ANP32A: variants seen among roughly 807,000 people sequenced by gnomAD.
ANP32A encodes acidic leucine-rich nuclear phosphoprotein 32 family member A.
In ANP32A, 1 loss-of-function variant was observed where a neutral mutation model predicts 33.9. The observed-to-expected ratio is 0.03, with a 90% CI of 0.01 to 0.14. ANP32A has a LOEUF of 0.14. Among genes scored for constraint, ANP32A ranks in the 10% least tolerant of loss-of-function variants. The pLI is 1.00. For missense variants in ANP32A, 155 were observed against 306.0 expected (o/e 0.51, Z 3.68); for synonymous variants, 115 against 120.5 (o/e 0.95, Z 0.30).
intron 1 of ANP32A, among the ~76,000 whole-genome samples, chr15:68,804,428 A>C (rs1894184850): frequency 6.6e-6 from 1 of 152,238 alleles, no homozygotes; most frequent in South Asian, 2.1e-4. Context: ...GTATAGATTA[A>C]AGAATAAATA....
In ANP32A at chr15:68,779,821, T is replaced by C. The variant is rs1893841505; in HGVS notation, c.*260A>G. ...TTAGTGTGTACTTAGCTATCGCATTTACAGGGACAAAAACCGGACACAAAG... is the reference window on the plus strand; with the variant it reads ...TTAGTGTGTACTTAGCTATCGCATTCACAGGGACAAAAACCGGACACAAAG... On this transcript the variant is annotated 3_prime_UTR_variant, in exon 7 of 7. Coordinates refer to ENST00000465139, the MANE Select transcript of ANP32A (RefSeq NM_006305.4). The C allele has an allele frequency of 2.0e-6, 1 of 492,772 alleles. No homozygotes were observed. The highest frequency in any genetic ancestry group is 3.5e-5 in the Admixed American group (1 of 28,316). The allele number at this position is 492,772 out of a possible 1,614,324, so 30.5% of individuals were successfully genotyped here.
intron 1 of ANP32A, among the ~76,000 whole-genome samples, chr15:68,802,819 A>ATTTTTTTTTTTTTTTTTTTTTTTT (rs1228755138): frequency 2.0e-5 from 3 of 151,906 alleles, no homozygotes; most frequent in Admixed American, 6.6e-5. Flanking sequence ...TGCCCGGCTA[A>ATTTTTTTTTTTTTTTTTTTTTTTT]TTTTTTATAT....
chr15:68,799,183 T>C (rs2140366117), intron 1 of ANP32A, among the ~76,000 whole-genome samples: 1 of 152,342 alleles, frequency 6.6e-6, no homozygotes, highest in South Asian at 2.1e-4. Context: ...TAACTCCATA[T>C]TTCTAATTGG....
chr15:68,807,496 G>A (rs1894250477), intron 1 of ANP32A, among the ~76,000 whole-genome samples: 1 of 149,246 alleles, frequency 6.7e-6, no homozygotes, highest in Non-Finnish European at 1.5e-5. Flanking sequence ...AGCTCCAGGC[G>A]AGGCCTCCTC....
chr15:68,787,849 T>A lies in ANP32A; in HGVS notation c.125A>T (p.Glu42Val), dbSNP rs778857524. The A allele has an allele frequency of 1.1e-5, 18 of 1,614,176 alleles. No homozygotes were observed. The South Asian group carries it at 1.8e-4, about 16-fold the overall frequency. Reference protein sequence around the residue: ...GKLEGLTDEFEELEFLSTINV... With the variant: ...GKLEGLTDEFVELEFLSTINV... The stretch of plus-strand genomic sequence containing the variant: ...GATTGTACTTAAGAATTCCAGTTCT[T>A]CAAATTCATCTGTGAGGCCTTCGAG... Residue 42 changes from glutamate to valine, a missense_variant, in exon 2 of 7, where the codon GAA (glutamate) becomes GTA (valine). Glu to Val is a moderately radical substitution (Grantham distance 121). This residue lies in a region of ANP32A where 85 missense variants were observed against 183.8 expected (regional missense o/e 0.46). Transcript: ENST00000465139.
intron 1 of ANP32A, among the ~76,000 whole-genome samples, chr15:68,803,728 GA>G (rs920700081): frequency 2.7e-5 from 4 of 145,622 alleles, no homozygotes; most frequent in South Asian, 4.4e-4. Flanking sequence ...ATAATAAATA[GA>G]AAAAAAATAG....
rs1178626126 is a variant in ANP32A at position 68,779,095 on chromosome 15, C to T, written c.*986G>A. On this transcript the variant is annotated 3_prime_UTR_variant, in exon 7 of 7. Transcript: ENST00000465139. ...ACACGAAAGCAAACCTGTACATTCA[C>T]TAGGAATTTGCAGTCATTTCAGATT... The T allele has an allele frequency of 6.6e-6, 1 of 151,946 alleles. No individual in the cohort carries two copies. Among genetic ancestry groups the T allele is most frequent in the African/African-American group, 2.4e-5 (1 of 41,344 alleles). The allele number at this position is 151,946 out of a possible 1,614,324, so 9.4% of individuals were successfully genotyped here. A position where few individuals can be genotyped will look rare whatever the true frequency, so the allele number is the denominator to read the frequency against.
At chr15:68,782,288 G>C (rs575992537) in intron 5 of ANP32A, among the ~76,000 whole-genome samples, 1 of 152,270 alleles carries the variant, frequency 6.6e-6, no homozygotes, top group East Asian at 1.9e-4. Context: ...CTGTCCTTAA[G>C]CATTTTACTT....
At chr15:68,803,924 C>A (rs772382584) in intron 1 of ANP32A, among the ~76,000 whole-genome samples, 6 of 150,830 alleles carry the variant, frequency 4.0e-5, no homozygotes, top group Non-Finnish European at 7.4e-5. Context: ...GCCTCAGCCT[C>A]CTGAGTAGCT....
chr15:68,795,385 G>A (rs1894050708), intron 1 of ANP32A, among the ~76,000 whole-genome samples: 1 of 152,188 alleles, frequency 6.6e-6, no homozygotes, highest in Non-Finnish European at 1.5e-5. Flanking sequence ...GGGGAAGTCG[G>A]TGACGCCATC....
chr15:68,795,058 G>A (rs143090715), intron 1 of ANP32A, among the ~76,000 whole-genome samples: 383 of 152,260 alleles, frequency 2.5e-3, no homozygotes, highest in African/African-American at 8.4e-3. Context: ...TGAGCTGGGC[G>A]ATTCGTTTCC....
intron 1 of ANP32A, among the ~76,000 whole-genome samples, chr15:68,804,311 AC>A (rs1894182975): frequency 6.6e-6 from 1 of 152,144 alleles, no homozygotes; most frequent in Admixed American, 6.5e-5. Flanking sequence ...GTATCCAAGC[AC>A]AGCTCCTCAG....
chr15:68,811,692 T>G (rs192089172), intron 1 of ANP32A, among the ~76,000 whole-genome samples: 1 of 152,224 alleles, frequency 6.6e-6, no homozygotes, highest in African/African-American at 2.4e-5. Flanking sequence ...CCTTTCCCAT[T>G]GAAAGAAAAT....
At position 68,820,702 on chromosome 15, in the gene ANP32A, G is replaced by C; in HGVS notation, c.50C>G (p.Ser17Cys). The C allele has an allele frequency of 1.2e-6, 2 of 1,609,112 alleles. No homozygotes were observed. The highest frequency in any genetic ancestry group is 1.7e-6 in the Non-Finnish European group (2 of 1,178,708). ...ATATTTTTGGCAAATGCTCACATCA[G>C]AGGGCGTCCTGTTCCGCAGCTCTAA... ...IHLELRNRTP[S>C]DVKELVLDNS... is the part of the protein sequence containing the mutation. The change falls in exon 1 of 7, where the codon TCT becomes TGT. Residue 17 changes from serine to cysteine, a missense_variant. Ser to Cys is a moderately radical substitution (Grantham distance 112). Coordinates refer to ENST00000465139, the MANE Select transcript of ANP32A (RefSeq NM_006305.4).
chr15:68,783,366 C>T (rs1276957460), intron 4 of ANP32A, among the ~76,000 whole-genome samples: 2 of 151,776 alleles, frequency 1.3e-5, no homozygotes, highest in South Asian at 2.1e-4. Flanking sequence ...CCCGGGAAAG[C>T]GGCAAGATCA....
intron 1 of ANP32A, among the ~76,000 whole-genome samples, chr15:68,810,032 C>T (rs1280759786): frequency 6.6e-6 from 1 of 152,130 alleles, no homozygotes; most frequent in Non-Finnish European, 1.5e-5. Context: ...CTAAACCTGA[C>T]GGAGGAGGCT....
chr15:68,780,736 G>A lies in ANP32A; in HGVS notation c.625-263C>T, dbSNP rs114551302. ...ATAATATTTGCAAGCAGTTTCAGGG[G>A]GTTATGGATTCCAGGACCCAGGTTA... On this transcript the variant is annotated intron_variant, in intron 5 of 6. Coordinates refer to ENST00000465139, the MANE Select transcript of ANP32A (RefSeq NM_006305.4). The surrounding 1 kb of genome is among the most constrained non-coding windows in gnomAD (Gnocchi z 4.3). 1.1e-3 allele frequency: 466 copies of A among 432,964 alleles called. 1 individual carries two copies. The highest frequency in any genetic ancestry group is 8.7e-3 in the African/African-American group (431 of 49,556). 26.8% of individuals were successfully genotyped at this position (432,964 alleles called of 1,614,324 possible).
intron 1 of ANP32A, among the ~76,000 whole-genome samples, chr15:68,794,394 C>T (rs572444916): frequency 6.6e-6 from 1 of 152,202 alleles, no homozygotes; most frequent in Non-Finnish European, 1.5e-5. Context: ...CCCTGACCAC[C>T]CTTGATTTTC....
At chr15:68,784,617 C>T in intron 3 of ANP32A, 22 bp from the exon 4 acceptor site, 1 of 1,613,262 alleles carries the variant, frequency 6.2e-7, no homozygotes, top group South Asian at 1.1e-5. Context: ...AAAATGAAGC[C>T]AACAGTAAGT....
Sources: allele counts gnomAD v4.1 joint callset (sites outside exome capture counted in the v4.1 genomes callset), GRCh38; gene constraint gnomAD v4.1.1; regional missense constraint gnomAD v4.1.1; non-coding constraint Gnocchi (gnomAD v3.1); transcripts MANE v1.5; gene names NCBI Gene and HGNC (gene_info 2026-07-23, HGNC 2026-07-21).